Variants in OR51E2 observed in about 807,000 individuals in gnomAD.
The protein encoded by OR51E2 is olfactory receptor family 51 subfamily E member 2, also known as olfactory receptor 51E2.
A neutral mutation model predicts 13.7 loss-of-function variants in OR51E2; 14 were observed. That is an observed-to-expected ratio of 1.02 (90% CI 0.68 to 1.60). OR51E2 has a LOEUF of 1.60. Ranked by LOEUF, OR51E2 falls within the 40% of genes most tolerant of loss-of-function variation. The probability of loss-of-function intolerance (pLI) is 0.00; values close to 1 mark genes in which losing one functional copy is unlikely to be tolerated. For synonymous variants in OR51E2, 180 were observed against 157.6 expected (o/e 1.14, Z -1.07); for missense variants, 483 against 413.8 (o/e 1.17, Z -1.45).
At position 4,682,583 on chromosome 11, in the gene OR51E2, G is replaced by T. The variant is rs574634498; in HGVS notation, c.129C>A (p.Ile43=). The part of the protein sequence containing the change: ...MYVVAMFGNC[I]VVFIVRTERS... ...GTTCCGTCCTTACGATGAAGACCAC[G>T]ATGCAGTTTCCAAACATTGCCACTA... Residue 43 remains isoleucine, a synonymous_variant, in exon 2 of 2, where the codon ATC becomes ATA. Coordinates refer to ENST00000396950, the MANE Select transcript of OR51E2 (RefSeq NM_030774.4). 2 of 1,614,184 alleles carry T rather than the reference G, an allele frequency of 1.2e-6. No homozygotes were observed. The highest frequency in any genetic ancestry group is 3.3e-5 in the Admixed American group (2 of 60,028).
chr11:4,681,680 A>G lies in OR51E2; in HGVS notation c.*69T>C. The G allele has an allele frequency of 6.4e-7, 1 of 1,568,000 alleles. No homozygotes were observed. The highest frequency in any genetic ancestry group is 8.7e-7 in the Non-Finnish European group (1 of 1,147,684). On this transcript the variant is annotated 3_prime_UTR_variant, in exon 2 of 2. Transcript: ENST00000396950. ...CTGATGTGCTTATGGGCAACTGGAA[A>G]TAAGCTAGTGTTAGAAATAATTATG...
intron 1 of OR51E2, among the ~76,000 whole-genome samples, chr11:4,697,141 A>G (rs939507764): frequency 1.3e-5 from 2 of 152,216 alleles, no homozygotes; most frequent in Non-Finnish European, 2.9e-5. Flanking sequence ...ACATATTTGA[A>G]ATCACATACA....
In OR51E2 at chr11:4,680,277, A is replaced by T. The variant is rs939923731; in HGVS notation, c.*1472T>A. 6 of 152,206 alleles carry T rather than the reference A, an allele frequency of 3.9e-5. No homozygotes were observed. The highest frequency in any genetic ancestry group is 2.1e-4 in the South Asian group (1 of 4,830). The allele number at this position is 152,206 out of a possible 1,614,324, so 9.4% of individuals were successfully genotyped here. A position where few individuals can be genotyped will look rare whatever the true frequency, so the allele number is the denominator to read the frequency against. ...GTACAGAGCACATTAAAAAATGAAG[A>T]CATGATCAAGGAGATGTAAGAGACA... On this transcript the variant is annotated 3_prime_UTR_variant, in exon 2 of 2. Transcript: ENST00000396950.
chr11:4,697,279 T>C (rs1475094371), intron 1 of OR51E2, among the ~76,000 whole-genome samples: 1 of 152,220 alleles, frequency 6.6e-6, no homozygotes, highest in Admixed American at 6.5e-5. Context: ...TTTCCTCATC[T>C]ATAAGACAGG....
intron 1 of OR51E2, chr11:4,691,683 A>G (rs1487915345): frequency 5.3e-6 from 2 of 377,708 alleles, no homozygotes; most frequent in Admixed American, 6.9e-5. Flanking sequence ...AGTGGAGGTG[A>G]TATTCTGCAA....
At chr11:4,695,776 GTT>G (rs34082897) in intron 1 of OR51E2, among the ~76,000 whole-genome samples, 16 of 150,782 alleles carry the variant, frequency 1.1e-4, no homozygotes, top group East Asian at 7.8e-4. Flanking sequence ...ATTCTGTGAG[GTT>G]TTTTTTTTTC....
At chr11:4,683,610 C>G (rs1847482923) in intron 1 of OR51E2, among the ~76,000 whole-genome samples, 2 of 152,138 alleles carry the variant, frequency 1.3e-5, no homozygotes, top group Admixed American at 1.3e-4. Flanking sequence ...TAATTGCATC[C>G]AAGGATAGTT....
At chr11:4,682,809 C>T in intron 1 of OR51E2, 48 bp from the exon 2 acceptor site, 1 of 1,349,840 alleles carries the variant, frequency 7.4e-7, no homozygotes, top group Non-Finnish European at 1.0e-6. Flanking sequence ...AAACTTGAAA[C>T]TGACATCCCA....
intron 1 of OR51E2, among the ~76,000 whole-genome samples, chr11:4,690,019 A>G (rs1260067534): frequency 6.8e-6 from 1 of 147,922 alleles, no homozygotes; most frequent in African/African-American, 2.4e-5. Context: ...ATTTATAAAT[A>G]TAAGTTTATA....
intron 1 of OR51E2, among the ~76,000 whole-genome samples, chr11:4,694,575 T>TATACACAC (rs72005121): frequency 5.7e-4 from 85 of 147,952 alleles, no homozygotes; most frequent in Non-Finnish European, 1.0e-3. Flanking sequence ...CATATATATA[T>TATACACAC]ACACACACAC....
intron 1 of OR51E2, chr11:4,691,427 C>T (rs923224349): frequency 4.4e-6 from 2 of 457,558 alleles, no homozygotes; most frequent in South Asian, 3.1e-5. Flanking sequence ...AGCTGATTTC[C>T]CTCACATTGA....
At chr11:4,686,524 T>TA (rs1847517241) in intron 1 of OR51E2, among the ~76,000 whole-genome samples, 1 of 152,174 alleles carries the variant, frequency 6.6e-6, no homozygotes, top group Non-Finnish European at 1.5e-5. Context: ...AGATTGCTAT[T>TA]CCAGAAGCTG....
chr11:4,681,471 T>C lies in OR51E2; in HGVS notation c.*278A>G. The C allele has an allele frequency of 7.3e-6, 3 of 413,678 alleles. No individual in the cohort carries two copies. The highest frequency in any genetic ancestry group is 1.3e-5 in the Non-Finnish European group (3 of 231,132). The allele number at this position is 413,678 out of a possible 1,614,324, so 25.6% of individuals were successfully genotyped here. A position where few individuals can be genotyped will look rare whatever the true frequency, so the allele number is the denominator to read the frequency against. ...ATTTGAGCACATTTCCTCCAAGGCATATGCTATTTTTCAACTTGGTTTCAA... is the reference window on the plus strand; with the variant it reads ...ATTTGAGCACATTTCCTCCAAGGCACATGCTATTTTTCAACTTGGTTTCAA... On this transcript the variant is annotated 3_prime_UTR_variant, in exon 2 of 2. Transcript: ENST00000396950.
chr11:4,686,330 T>C (rs2133247259), intron 1 of OR51E2, among the ~76,000 whole-genome samples: 1 of 152,300 alleles, frequency 6.6e-6, no homozygotes, highest in South Asian at 2.1e-4. Flanking sequence ...GAATTTTCTA[T>C]AGAAGAATTA....
chr11:4,682,500 G>A lies in OR51E2; in HGVS notation c.212C>T (p.Ala71Val). The change falls in exon 2 of 2, where the codon GCC (alanine) becomes GTC (valine). Residue 71 changes from alanine to valine, a missense_variant. By Grantham distance (64) the Ala-to-Val change is moderately conservative. Coordinates refer to ENST00000396950, the MANE Select transcript of OR51E2 (RefSeq NM_030774.4). ...FLCMLAAIDL[A>V]LSTSTMPKIL... is the part of the protein sequence containing the mutation. ...CTTAGGCATGGTGGATGTGGATAAGGCCAGGTCAATGGCTGCAAGCATGCA... is the reference window on the plus strand; with the variant it reads ...CTTAGGCATGGTGGATGTGGATAAGACCAGGTCAATGGCTGCAAGCATGCA... The A allele has an allele frequency of 6.2e-7, 1 of 1,614,232 alleles. No homozygotes were observed. Among genetic ancestry groups the A allele is most frequent in the Non-Finnish European group, 8.5e-7 (1 of 1,180,040 alleles).
intron 1 of OR51E2, chr11:4,691,774 A>C (rs1305366975): frequency 3.1e-6 from 1 of 320,074 alleles, no homozygotes; most frequent in Non-Finnish European, 6.1e-6. Context: ...GTATTGATCG[A>C]ATTAAAATAA....
chr11:4,688,233 G>A (rs925993448), intron 1 of OR51E2, among the ~76,000 whole-genome samples: 1 of 152,152 alleles, frequency 6.6e-6, no homozygotes, highest in Non-Finnish European at 1.5e-5. Context: ...GAATTCAGGA[G>A]GAATTGAGGG....
At chr11:4,694,385 G>A (rs79951704) in intron 1 of OR51E2, among the ~76,000 whole-genome samples, 1,865 of 151,442 alleles carry the variant, frequency 0.012, 36 homozygotes, top group African/African-American at 0.041. Context: ...AGAGACAGAG[G>A]GTACCTTATT....
rs1480972776 is a variant in OR51E2, at chr11:4,682,178, A to G, written c.534T>C (p.Cys178=). 6.2e-7 allele frequency: 1 copy of G among 1,614,204 alleles called. No individual in the cohort carries two copies. ...CCAACTTCATTACATCCTGGTGGACACAATAGGAGTGCGAGAGGACATTGG... is the reference window on the plus strand; with the variant it reads ...CCAACTTCATTACATCCTGGTGGACGCAATAGGAGTGCGAGAGGACATTGG... ...CHSNVLSHSY[C]VHQDVMKLAY... is the part of the protein sequence containing the mutation. The change falls in exon 2 of 2, where the codon TGT becomes TGC. Residue 178 remains cysteine, a synonymous_variant. Coordinates refer to ENST00000396950, the MANE Select transcript of OR51E2 (RefSeq NM_030774.4).
Sources: allele counts gnomAD v4.1 joint callset (sites outside exome capture counted in the v4.1 genomes callset), GRCh38; gene constraint gnomAD v4.1.1; transcripts MANE v1.5; gene names NCBI Gene and HGNC (gene_info 2026-07-23, HGNC 2026-07-21).